The following RGS6 variants were observed in gnomAD, a reference collection of about 807,000 sequenced individuals.
RGS6 encodes regulator of G-protein signaling 6.
In RGS6, 30 loss-of-function variants were observed where a neutral mutation model predicts 78.5. The ratio of observed to expected loss-of-function variants is 0.38; its 90% CI spans 0.29 to 0.52. The LOEUF (loss-of-function observed/expected upper bound fraction) is 0.52, where lower values mean the gene tolerates loss of function less well. Among genes scored for constraint, RGS6 ranks in the 20% least tolerant of loss-of-function variants. The pLI, the probability that RGS6 is intolerant of heterozygous loss-of-function variation, is 0.85. For missense variants in RGS6, 495 were observed against 609.7 expected (o/e 0.81, Z 1.98); for synonymous variants, 206 against 206.0 (o/e 1.00, Z 0.00).
At chr14:72,332,054 G>A (rs1000429418) in intron 2 of RGS6, among the ~76,000 whole-genome samples, 1 of 152,158 alleles carries the variant, frequency 6.6e-6, no homozygotes, top group African/African-American at 2.4e-5. Context: ...TTTAACCGAA[G>A]GGACTCTTGG....
chr14:72,149,047 G>A (rs1303268774), intron 2 of RGS6, among the ~76,000 whole-genome samples: 1 of 152,206 alleles, frequency 6.6e-6, no homozygotes, highest in East Asian at 1.9e-4. Context: ...CTGAGGCTGG[G>A]GTTGGAATCA....
intron 2 of RGS6, among the ~76,000 whole-genome samples, chr14:72,075,450 A>T (rs774809389): frequency 3.3e-5 from 5 of 152,178 alleles, no homozygotes; most frequent in Non-Finnish European, 5.9e-5. Context: ...TAAGATGAAG[A>T]TGGTACCTAA....
At chr14:72,176,571 A>G (rs773108042) in intron 2 of RGS6, among the ~76,000 whole-genome samples, 1 of 152,210 alleles carries the variant, frequency 6.6e-6, no homozygotes, top group Non-Finnish European at 1.5e-5. Context: ...CAATCCCCTT[A>G]CAAAGAGCCA....
chr14:72,613,732 C>T, the RGS6 span, among the ~76,000 whole-genome samples: 1 of 151,950 alleles, frequency 6.6e-6, no homozygotes, highest in Non-Finnish European at 1.5e-5. Flanking sequence ...ACCCATGGTA[C>T]GGAACTGGCA....
At chr14:72,270,138 CA>C (rs2059719711) in intron 2 of RGS6, among the ~76,000 whole-genome samples, 1 of 152,162 alleles carries the variant, frequency 6.6e-6, no homozygotes, top group Admixed American at 6.5e-5. Flanking sequence ...GAGACCTTGA[CA>C]AATGGGGATG....
the RGS6 span, among the ~76,000 whole-genome samples, chr14:72,592,315 C>A: frequency 6.6e-6 from 1 of 152,250 alleles, no homozygotes; most frequent in Non-Finnish European, 1.5e-5. Context: ...TCCCAAGAAA[C>A]TCTCAACAAG....
At chr14:72,388,606 C>G (rs1438845850) in intron 3 of RGS6, among the ~76,000 whole-genome samples, 1 of 152,104 alleles carries the variant, frequency 6.6e-6, no homozygotes, top group African/African-American at 2.4e-5. Flanking sequence ...AGTACATGGT[C>G]ATTTCTCCAG....
chr14:72,261,317 AG>A (rs1373619562), intron 2 of RGS6, among the ~76,000 whole-genome samples: 2 of 152,128 alleles, frequency 1.3e-5, no homozygotes, highest in East Asian at 3.8e-4. Context: ...AGAGTGATGG[AG>A]GAGAGAATGA....
intron 2 of RGS6, among the ~76,000 whole-genome samples, chr14:72,335,578 G>T (rs1808316633): frequency 6.6e-6 from 1 of 152,098 alleles, no homozygotes; most frequent in Non-Finnish European, 1.5e-5. Context: ...GTCTTTGCTT[G>T]GAGCTGTGTT....
chr14:72,039,492 A>G (rs1487266299), intron 2 of RGS6, among the ~76,000 whole-genome samples: 1 of 152,082 alleles, frequency 6.6e-6, no homozygotes, highest in Non-Finnish European at 1.5e-5. Flanking sequence ...CTATTTGTCT[A>G]ATATTGGTAT....
intron 3 of RGS6, among the ~76,000 whole-genome samples, chr14:72,380,746 T>G (rs1257550623): frequency 6.6e-6 from 1 of 152,134 alleles, no homozygotes; most frequent in African/African-American, 2.4e-5. Context: ...AGAGCCACTA[T>G]GGAGAACAGT....
intron 2 of RGS6, among the ~76,000 whole-genome samples, chr14:72,157,284 G>C (rs951963111): frequency 2.0e-5 from 3 of 152,184 alleles, no homozygotes; most frequent in African/African-American, 7.2e-5. Context: ...AGAAGCAAAT[G>C]ATTCCGTGGA....
At chr14:72,118,204 C>T (rs913532115) in intron 2 of RGS6, among the ~76,000 whole-genome samples, 3 of 151,820 alleles carry the variant, frequency 2.0e-5, no homozygotes, top group Non-Finnish European at 4.4e-5. Context: ...CTCTGGTGAA[C>T]ATCAGCTTCT....
the RGS6 span, among the ~76,000 whole-genome samples, chr14:71,916,577 G>T: frequency 6.7e-6 from 1 of 149,618 alleles, no homozygotes; most frequent in Non-Finnish European, 1.5e-5. Context: ...GTGTGGATCT[G>T]CAGGCCTGGG....
At chr14:71,910,603 G>A in the RGS6 span, among the ~76,000 whole-genome samples, 3 of 152,284 alleles carry the variant, frequency 2.0e-5, no homozygotes, top group South Asian at 6.2e-4. Context: ...ACTTATGAGG[G>A]TTGAGGAGAA....
intron 2 of RGS6, among the ~76,000 whole-genome samples, chr14:72,039,115 G>T (rs2092094108): frequency 6.6e-6 from 1 of 152,170 alleles, no homozygotes; most frequent in African/African-American, 2.4e-5. Flanking sequence ...TCAAAAGAGG[G>T]AGTAGATGAA....
the RGS6 span, among the ~76,000 whole-genome samples, chr14:72,587,401 T>C: frequency 6.6e-6 from 1 of 151,984 alleles, no homozygotes; most frequent in African/African-American, 2.4e-5. Flanking sequence ...TTCTATCACC[T>C]CGCCCCTTGT....
intron 2 of RGS6, among the ~76,000 whole-genome samples, chr14:72,066,582 C>G (rs1271156717): frequency 1.3e-5 from 2 of 148,760 alleles, no homozygotes; most frequent in African/African-American, 5.0e-5. Context: ...AGGAATAGCT[C>G]TGCCTGGAAG....
At chr14:72,112,954 G>T (rs540920959) in intron 2 of RGS6, among the ~76,000 whole-genome samples, 25 of 152,368 alleles carry the variant, frequency 1.6e-4, no homozygotes, top group African/African-American at 6.0e-4. Flanking sequence ...ATCAAATGCA[G>T]AAAACAGTTC....
Sources: gnomAD v4.1 joint callset for allele counts (sites outside exome capture counted in the v4.1 genomes callset) on GRCh38, gnomAD v4.1.1 for gene constraint, MANE v1.5 for transcripts, NCBI Gene and HGNC (gene_info 2026-07-23, HGNC 2026-07-21) for gene names.